HDAC9: variants seen among roughly 807,000 people sequenced by gnomAD.
HDAC9 encodes the protein MEF-2 interacting transcription repressor (MITR) protein.
A neutral mutation model predicts 139.4 loss-of-function variants in HDAC9; 41 were observed. That is an observed-to-expected ratio of 0.29 (90% CI 0.23 to 0.38). The LOEUF is 0.38. HDAC9 is among the 10% of genes least tolerant of loss of function. The pLI, the probability that HDAC9 is intolerant of heterozygous loss-of-function variation, is 1.00. For synonymous variants in HDAC9, 517 were observed against 476.2 expected, an observed-to-expected ratio of 1.09 and a Z score of -1.12; for missense variants, 1,147 against 1,297.0, an observed-to-expected ratio of 0.88 and a Z score of 1.78.
chr7:18,550,315 T>C (rs567879757), intron 2 of HDAC9, among the ~76,000 whole-genome samples: 2 of 152,306 alleles, frequency 1.3e-5, no homozygotes, highest in African/African-American at 4.8e-5. Flanking sequence ...CGTTCCATTC[T>C]ATGTTATGAT....
chr7:18,239,446 AG>A (rs1244744061), intron 2 of HDAC9, among the ~76,000 whole-genome samples: 3 of 152,146 alleles, frequency 2.0e-5, no homozygotes, highest in Non-Finnish European at 2.9e-5. Context: ...TTCAGTCATC[AG>A]GGGCCATAGG....
intron 22 of HDAC9, among the ~76,000 whole-genome samples, chr7:18,889,303 C>T (rs1243157995): frequency 1.3e-5 from 2 of 152,134 alleles, no homozygotes; most frequent in African/African-American, 4.8e-5. Context: ...CCAGTGTACC[C>T]ATCCTCCATC....
At chr7:18,983,854 T>C (rs1785117769) in intron 25 of HDAC9, among the ~76,000 whole-genome samples, 1 of 152,174 alleles carries the variant, frequency 6.6e-6, no homozygotes, top group Non-Finnish European at 1.5e-5. Context: ...CATGTCCACA[T>C]CAGGGCTTCC....
chr7:18,582,506 TTA>T (rs569203056), intron 2 of HDAC9, among the ~76,000 whole-genome samples: 2 of 150,892 alleles, frequency 1.3e-5, no homozygotes, highest in East Asian at 1.9e-4. Context: ...ACTACATTGC[TTA>T]TATATATATA....
chr7:18,554,583 C>T (rs992785842), intron 2 of HDAC9, among the ~76,000 whole-genome samples: 17 of 152,164 alleles, frequency 1.1e-4, no homozygotes, highest in Non-Finnish European at 2.4e-4. Context: ...GATCCACCTG[C>T]CTCGGCCTCC....
At chr7:18,407,350 C>A (rs1241954066) in intron 1 of HDAC9, among the ~76,000 whole-genome samples, 1 of 152,178 alleles carries the variant, frequency 6.6e-6, no homozygotes, top group African/African-American at 2.4e-5. Flanking sequence ...AGTTGTTCAT[C>A]AGGGACAAAT....
intron 19 of HDAC9, among the ~76,000 whole-genome samples, chr7:18,831,897 A>G (rs952976870): frequency 1.3e-5 from 2 of 152,240 alleles, no homozygotes; most frequent in Admixed American, 1.3e-4. Flanking sequence ...AATAGATGGC[A>G]AAGGTACTCC....
chr7:18,613,454 G>T (rs1837722611), intron 6 of HDAC9, among the ~76,000 whole-genome samples: 1 of 151,914 alleles, frequency 6.6e-6, no homozygotes, highest in Non-Finnish European at 1.5e-5. Context: ...TCAGAGTCTG[G>T]TTCTAAGAGA....
intron 1 of HDAC9, among the ~76,000 whole-genome samples, chr7:18,126,892 T>C (rs1032832781): frequency 2.0e-5 from 3 of 152,154 alleles, no homozygotes; most frequent in African/African-American, 4.8e-5. Flanking sequence ...GGAAGAGCAA[T>C]TGGGATTAAA....
Position 18,935,828 on chromosome 7 carries a change from G to A in HDAC9, c.2823G>A (p.Lys941=). The A allele has an allele frequency of 6.2e-7, 1 of 1,613,498 alleles. No homozygotes were observed. The highest frequency in any genetic ancestry group is 8.5e-7 in the Non-Finnish European group (1 of 1,179,576). ...TGGTAGGTTTTGGTCATTTGACGAA[G>A]CAATTGATGACATTGGCTGATGGAC... is the stretch of plus-strand genomic sequence containing the variant. The part of the protein sequence containing the change: ...VTAKCFGHLT[K]QLMTLADGRV... Residue 941 remains lysine (K), a synonymous_variant, in exon 23 of 26, where the codon AAG becomes AAA. Transcript: ENST00000686413.
intron 6 of HDAC9, among the ~76,000 whole-genome samples, chr7:18,604,678 C>T (rs1274205000): frequency 2.0e-5 from 3 of 152,110 alleles, no homozygotes; most frequent in African/African-American, 4.8e-5. Flanking sequence ...GGATTACAGG[C>T]GTGAGCCACC....
At chr7:18,606,206 A>G (rs1835461794) in intron 6 of HDAC9, among the ~76,000 whole-genome samples, 2 of 152,172 alleles carry the variant, frequency 1.3e-5, no homozygotes, top group Non-Finnish European at 2.9e-5. Flanking sequence ...TAGATCTACG[A>G]AAATAATTTT....
intron 1 of HDAC9, among the ~76,000 whole-genome samples, chr7:18,094,146 G>A (rs1198183838): frequency 2.6e-5 from 4 of 152,140 alleles, no homozygotes; most frequent in Non-Finnish European, 4.4e-5. Context: ...CTGTGGCCAG[G>A]CAAAGGGAGT....
intron 1 of HDAC9, among the ~76,000 whole-genome samples, chr7:18,155,212 C>T (rs35032278): frequency 6.6e-6 from 1 of 151,900 alleles, no homozygotes; most frequent in East Asian, 1.9e-4. Flanking sequence ...GACTGTGACT[C>T]CCTATTGTCC....
intron 12 of HDAC9, chr7:18,667,586 G>C: frequency 1.0e-6 from 1 of 985,268 alleles, no homozygotes. Flanking sequence ...ATTCAAGTCA[G>C]TTCTTTGTCA....
At chr7:18,587,107 C>T (rs1169294627) in intron 3 of HDAC9, among the ~76,000 whole-genome samples, 1 of 152,098 alleles carries the variant, frequency 6.6e-6, no homozygotes, top group Non-Finnish European at 1.5e-5. Flanking sequence ...TAAGTTACTG[C>T]TTTAGATACT....
intron 1 of HDAC9, among the ~76,000 whole-genome samples, chr7:18,416,865 T>C (rs909627403): frequency 5.3e-5 from 8 of 152,234 alleles, no homozygotes; most frequent in African/African-American, 1.7e-4. Context: ...GTGTGTGATT[T>C]TTCTTTTACT....
intron 11 of HDAC9, among the ~76,000 whole-genome samples, chr7:18,656,671 A>G (rs1791298560): frequency 6.6e-6 from 1 of 152,174 alleles, no homozygotes; most frequent in Non-Finnish European, 1.5e-5. Context: ...TAAACATGAT[A>G]AGCACCACTA....
Position 18,405,130 on chromosome 7 carries a change from C to T in HDAC9, c.-41-91132C>T, listed in dbSNP as rs1005090679. Among the ~76,000 whole-genome samples the T allele has an allele frequency of 7.2e-5, 11 of 152,154 alleles. No individual in the cohort carries two copies. In the East Asian group the frequency reaches 7.7e-4, roughly 11 times the overall value. Reference sequence around the variant, plus strand: ...CAAACTCCATATAGATAGTGGCCCCCGGCAGGGAATTGATTTTTTTCTTCA... The same window carrying T: ...CAAACTCCATATAGATAGTGGCCCCTGGCAGGGAATTGATTTTTTTCTTCA... On this transcript the variant is annotated intron_variant, in intron 1 of 3. Transcript: ENST00000413509.
Sources: allele counts gnomAD v4.1 joint callset (sites outside exome capture counted in the v4.1 genomes callset), GRCh38; gene constraint gnomAD v4.1.1; transcripts MANE v1.5; gene names NCBI Gene and HGNC (gene_info 2026-07-23, HGNC 2026-07-21).